Variants in SLC30A7 observed in about 807,000 individuals in gnomAD.
The protein encoded by SLC30A7 is zinc transporter 7.
A neutral mutation model predicts 46.0 loss-of-function variants in SLC30A7; 35 were observed. That is an observed-to-expected ratio of 0.76 (90% CI 0.58 to 1.01). The LOEUF (loss-of-function observed/expected upper bound fraction) is 1.01, where lower values mean the gene tolerates loss of function less well. Ranked by LOEUF, SLC30A7 falls within the 50% of genes least tolerant of loss-of-function variation. The pLI is 0.00. For missense variants in SLC30A7, 464 were observed against 451.1 expected, an observed-to-expected ratio of 1.03 and a Z score of -0.26; for synonymous variants, 147 against 157.8, an observed-to-expected ratio of 0.93 and a Z score of 0.51.
At chr1:100,971,200 T>G (rs912969650) in intron 10 of SLC30A7, among the ~76,000 whole-genome samples, 1 of 152,160 alleles carries the variant, frequency 6.6e-6, no homozygotes, top group Non-Finnish European at 1.5e-5. Context: ...CCGTAAACTC[T>G]CCTAGGATCA....
intron 8 of SLC30A7, among the ~76,000 whole-genome samples, chr1:100,931,156 T>C (rs1019056799): frequency 6.6e-6 from 1 of 152,164 alleles, no homozygotes; most frequent in Non-Finnish European, 1.5e-5. Flanking sequence ...AACCTAATTA[T>C]GTAAGAATAT....
chr1:100,946,921 T>A (rs554958979), intron 8 of SLC30A7, among the ~76,000 whole-genome samples: 10 of 152,238 alleles, frequency 6.6e-5, no homozygotes, highest in African/African-American at 2.2e-4. Context: ...GGTCCTGGAC[T>A]TTTTTTGGTT....
At chr1:100,910,939 T>C (rs1023771462) in intron 3 of SLC30A7, 124 bp from the exon 4 acceptor site, 2 of 678,792 alleles carry the variant, frequency 2.9e-6, no homozygotes, top group Non-Finnish European at 5.0e-6. Flanking sequence ...CTATAAACAC[T>C]AGGGCTTCGC....
rs539139293 is a variant in SLC30A7 at position 100,946,218 on chromosome 1, C to G, written c.843-15610C>G. On this transcript the variant is annotated intron_variant, in intron 8 of 10. Transcript: ENST00000357650. The stretch of plus-strand genomic sequence containing the variant: ...GATGGGAGTTTTCTAAATATACATT[C>G]ATGTCATCTGCAAACAGGGACAATT... Among the ~76,000 whole-genome samples, 8 of 152,330 alleles carry G rather than the reference C, an allele frequency of 5.3e-5. No individual in the cohort carries two copies. The South Asian group carries it at 1.7e-3, about 32-fold the overall frequency.
At chr1:100,902,721 T>A (rs926192797) in intron 2 of SLC30A7, among the ~76,000 whole-genome samples, 26 of 152,226 alleles carry the variant, frequency 1.7e-4, no homozygotes, top group African/African-American at 6.0e-4. Context: ...CTCTGCCTTA[T>A]CTTCGCATTG....
At chr1:100,927,183 T>C (rs1190312205) in intron 8 of SLC30A7, among the ~76,000 whole-genome samples, 2 of 152,132 alleles carry the variant, frequency 1.3e-5, no homozygotes, top group Non-Finnish European at 2.9e-5. Flanking sequence ...TCAGATTATA[T>C]ATGTTGTTTA....
chr1:100,935,406 G>T (rs185132380), intron 8 of SLC30A7, among the ~76,000 whole-genome samples: 4 of 152,132 alleles, frequency 2.6e-5, no homozygotes, highest in South Asian at 2.1e-4. Flanking sequence ...TTCTTTTTAC[G>T]ATTTTTGCTA....
Position 100,896,344 on chromosome 1 carries a change from T to G in SLC30A7, c.80+2T>G. 1 of 1,613,994 alleles carries G rather than the reference T, an allele frequency of 6.2e-7. No individual in the cohort carries two copies. Among genetic ancestry groups the G allele is most frequent in the Non-Finnish European group, 8.5e-7 (1 of 1,179,990 alleles). On this transcript the variant is annotated splice_donor_variant, in intron 1 of 10. Coordinates refer to ENST00000357650, the MANE Select transcript of SLC30A7 (RefSeq NM_133496.5). LOFTEE classifies it high-confidence loss of function. ...CGGCAAGATCTCGGGCTGGTTTAGG[T>G]GCGGGGTGCTGTGTTTGCGGGGAGG...
chr1:100,939,169 A>G (rs1654178208), intron 8 of SLC30A7, among the ~76,000 whole-genome samples: 1 of 117,974 alleles, frequency 8.5e-6, no homozygotes, highest in South Asian at 2.6e-4. Flanking sequence ...GCTATTTAAC[A>G]TAGTATTAGT....
chr1:100,963,710 CAT>C (rs35504439), intron 9 of SLC30A7, among the ~76,000 whole-genome samples: 12,237 of 152,232 alleles, frequency 0.08, 651 homozygotes, highest in Middle Eastern at 0.19. Flanking sequence ...CCACAAACCA[CAT>C]GTGGCTAGTG....
At chr1:100,908,368 A>G (rs897989748) in intron 3 of SLC30A7, among the ~76,000 whole-genome samples, 1 of 152,220 alleles carries the variant, frequency 6.6e-6, no homozygotes, top group African/African-American at 2.4e-5. Context: ...CTAATGATGT[A>G]AAAACATGCC....
At chr1:100,914,457 TA>T (rs1423429394) in intron 6 of SLC30A7, among the ~76,000 whole-genome samples, 1 of 152,196 alleles carries the variant, frequency 6.6e-6, no homozygotes, top group Non-Finnish European at 1.5e-5. Flanking sequence ...TATTGGCTTA[TA>T]AAAATATGGT....
At chr1:100,898,354 C>G (rs1396132885) in intron 2 of SLC30A7, among the ~76,000 whole-genome samples, 1 of 152,074 alleles carries the variant, frequency 6.6e-6, no homozygotes, top group Non-Finnish European at 1.5e-5. Flanking sequence ...TTACCAGAAC[C>G]ATTATTTTTT....
At chr1:100,940,168 T>A (rs918250249) in intron 8 of SLC30A7, among the ~76,000 whole-genome samples, 2 of 152,014 alleles carry the variant, frequency 1.3e-5, no homozygotes, top group African/African-American at 4.8e-5. Flanking sequence ...GCACCTCAAA[T>A]CAGTGGAAAA....
rs1656384447 is a variant in SLC30A7 at position 100,974,989 on chromosome 1, GAGT to G, written c.*133_*135del. 6.9e-6 allele frequency: 4 copies of G among 583,886 alleles called. No homozygotes were observed. Among genetic ancestry groups the G allele is most frequent in the Non-Finnish European group, 8.5e-6 (3 of 353,018 alleles). The allele number at this position is 583,886 out of a possible 1,614,324, so 36.2% of individuals were successfully genotyped here. On this transcript the variant is annotated 3_prime_UTR_variant, in exon 11 of 11. Coordinates refer to ENST00000357650, the MANE Select transcript of SLC30A7 (RefSeq NM_133496.5). Reference sequence around the variant, plus strand: ...TCCCGAGCACTAAGTAGACGGGGTAGAGTCAGCCGTTCATGCTTTGTGGGGAGT... The same window carrying G: ...TCCCGAGCACTAAGTAGACGGGGTAGCAGCCGTTCATGCTTTGTGGGGAGT...
rs1656605827 is a variant in SLC30A7 at position 100,977,474 on chromosome 1, T to C, written c.*2617T>C. On this transcript the variant is annotated 3_prime_UTR_variant, in exon 11 of 11. Coordinates refer to ENST00000357650, the MANE Select transcript of SLC30A7 (RefSeq NM_133496.5). The stretch of plus-strand genomic sequence containing the variant: ...CACTCTTAGGAAATATTTTGTCTTA[T>C]TAGTGTTCTTGGCACATGTATATTA... 2 of 152,350 alleles carry C rather than the reference T, an allele frequency of 1.3e-5. No individual in the cohort carries two copies. The highest frequency in any genetic ancestry group is 4.8e-5 in the African/African-American group (2 of 41,572). The allele number at this position is 152,350 out of a possible 1,614,324, so 9.4% of individuals were successfully genotyped here.
At chr1:100,897,460 C>T (rs891695670) in intron 2 of SLC30A7, among the ~76,000 whole-genome samples, 6 of 152,144 alleles carry the variant, frequency 3.9e-5, no homozygotes, top group Non-Finnish European at 8.8e-5. Flanking sequence ...CATACTCCTT[C>T]AAAAATCTGA....
intron 8 of SLC30A7, among the ~76,000 whole-genome samples, chr1:100,927,914 G>A (rs1653411201): frequency 6.6e-6 from 1 of 152,088 alleles, no homozygotes; most frequent in Non-Finnish European, 1.5e-5. Flanking sequence ...GAGGTATTAG[G>A]GGAATTGATC....
rs1033588684 is a variant in SLC30A7, at chr1:100,977,028, A to G, written c.*2171A>G. The G allele has an allele frequency of 2.6e-5, 4 of 152,466 alleles. No homozygotes were observed. In the East Asian group the frequency reaches 7.7e-4, roughly 29 times the overall value. The allele number at this position is 152,466 out of a possible 1,614,324, so 9.4% of individuals were successfully genotyped here. A position where few individuals can be genotyped will look rare whatever the true frequency, so the allele number is the denominator to read the frequency against. ...TATAAGTAGTCATTAGAAGTTTGCA[A>G]CCACCACCAAGTCTGAGAGAACTCT... is the stretch of plus-strand genomic sequence containing the variant. On this transcript the variant is annotated 3_prime_UTR_variant, in exon 11 of 11. Coordinates refer to ENST00000357650, the MANE Select transcript of SLC30A7 (RefSeq NM_133496.5).
Sources: allele counts gnomAD v4.1 joint callset (sites outside exome capture counted in the v4.1 genomes callset), GRCh38; gene constraint gnomAD v4.1.1; transcripts MANE v1.5; gene names NCBI Gene and HGNC (gene_info 2026-07-23, HGNC 2026-07-21).